Variants in CAPN6 observed in about 807,000 individuals in gnomAD.
The protein encoded by CAPN6 is calpain 6.
CAPN6 carries 16 observed loss-of-function variants against 46.0 expected under a neutral mutation model. That is an observed-to-expected ratio of 0.35 (90% CI 0.24 to 0.53). The LOEUF is 0.53. CAPN6 is among the 20% of genes least tolerant of loss of function. The pLI is 0.94. For synonymous variants in CAPN6, 206 were observed against 172.8 expected (o/e 1.19, Z -1.51); for missense variants, 461 against 498.0 (o/e 0.93, Z 0.71).
At chrX:111,248,222 G>T (rs746321571) in intron 10 of CAPN6, among the ~76,000 whole-genome samples, 2 of 112,039 alleles carry the variant, frequency 1.8e-5, no homozygotes, top group South Asian at 3.8e-4. Flanking sequence ...GGTGGCTTTG[G>T]TGATCCAGCA....
intron 8 of CAPN6, among the ~76,000 whole-genome samples, chrX:111,250,646 C>A (rs910284508): frequency 9.0e-6 from 1 of 111,059 alleles, no homozygotes; most frequent in African/African-American, 3.3e-5. Flanking sequence ...TGTCAAAGAG[C>A]CATACCAGAC....
At chrX:111,262,473 G>T (rs985522181) in intron 2 of CAPN6, among the ~76,000 whole-genome samples, 2 of 111,770 alleles carry the variant, frequency 1.8e-5, no homozygotes, top group Non-Finnish European at 3.8e-5. Context: ...TGGTAAAAGG[G>T]TTACTTGAGG....
intron 3 of CAPN6, among the ~76,000 whole-genome samples, chrX:111,253,702 A>G (rs988770764): frequency 8.9e-6 from 1 of 112,044 alleles, no homozygotes; most frequent in South Asian, 3.7e-4. Context: ...ATGTTTAGGA[A>G]TTTTTTTTGT....
In CAPN6 at chrX:111,270,380, C is replaced by A. The variant is rs775378513; in HGVS notation, c.-25G>T. The A allele has an allele frequency of 2.6e-5, 8 of 309,817 alleles. No individual in the cohort carries two copies. Among genetic ancestry groups the A allele is most frequent in the South Asian group, 2.1e-4 (8 of 37,881 alleles). 25.5% of individuals were successfully genotyped at this position (309,817 alleles called of 1,213,427 possible). On this transcript the variant is annotated 5_prime_UTR_variant, in exon 1 of 13. Transcript: ENST00000324068. ...TTCCCTCTCTACTCACCTGAGTTATCCCAGGAGCCCTGCTGCTGCTGCTGC... is the reference window on the plus strand; with the variant it reads ...TTCCCTCTCTACTCACCTGAGTTATACCAGGAGCCCTGCTGCTGCTGCTGC...
At chrX:111,263,033 G>A (rs1336597082) in intron 2 of CAPN6, among the ~76,000 whole-genome samples, 1 of 111,740 alleles carries the variant, frequency 8.9e-6, no homozygotes, top group Non-Finnish European at 1.9e-5. Context: ...TCTCCTCACT[G>A]GTCTGAAATT....
At chrX:111,254,602 T>C (rs930456396) in intron 2 of CAPN6, among the ~76,000 whole-genome samples, 199 bp from the exon 3 acceptor site, 1 of 111,352 alleles carries the variant, frequency 9.0e-6, no homozygotes. Flanking sequence ...TCTAGCCCCA[T>C]GTTTGGAAGT....
chrX:111,257,750 C>G (rs2094985000), intron 2 of CAPN6, among the ~76,000 whole-genome samples: 1 of 111,508 alleles, frequency 9.0e-6, no homozygotes, highest in Non-Finnish European at 1.9e-5. Context: ...TTGAGCTGTG[C>G]TGGAGTGGTA....
rs1233978323 is a variant in CAPN6, at chrX:111,246,266, G to A, written c.*311C>T. On this transcript the variant is annotated 3_prime_UTR_variant, in exon 13 of 13. Transcript: ENST00000324068. Reference sequence around the variant, plus strand: ...CTGAAAACATCAAAGACATCTGTAGGGTGTCCAGCCTCTTGTTATTGTCCT... The same window carrying A: ...CTGAAAACATCAAAGACATCTGTAGAGTGTCCAGCCTCTTGTTATTGTCCT... The A allele has an allele frequency of 7.4e-6, 2 of 271,892 alleles. No individual in the cohort carries two copies. Among genetic ancestry groups the A allele is most frequent in the Non-Finnish European group, 1.3e-5 (2 of 154,180 alleles). The allele number at this position is 271,892 out of a possible 1,213,427, so 22.4% of individuals were successfully genotyped here. A position where few individuals can be genotyped will look rare whatever the true frequency, so the allele number is the denominator to read the frequency against.
At chrX:111,260,716 G>T (rs981442929) in intron 2 of CAPN6, among the ~76,000 whole-genome samples, 2 of 112,042 alleles carry the variant, frequency 1.8e-5, no homozygotes, top group Admixed American at 1.9e-4. Context: ...AGGCTCAGAT[G>T]GTGGTCCAGA....
chrX:111,262,272 A>G, intron 2 of CAPN6, among the ~76,000 whole-genome samples: 1 of 112,237 alleles, frequency 8.9e-6, no homozygotes, highest in South Asian at 3.7e-4. Flanking sequence ...TCCCAGTCTC[A>G]TACTTTCAAT....
intron 1 of CAPN6, among the ~76,000 whole-genome samples, chrX:111,269,158 C>T (rs1304546907): frequency 9.0e-6 from 1 of 111,503 alleles, no homozygotes; most frequent in Non-Finnish European, 1.9e-5. Flanking sequence ...GGAAAGCCTG[C>T]TTTTTAACCT....
At chrX:111,255,866 T>C (rs993555108) in intron 2 of CAPN6, among the ~76,000 whole-genome samples, 4 of 111,791 alleles carry the variant, frequency 3.6e-5, no homozygotes, top group Non-Finnish European at 7.5e-5. Context: ...GATGCATGCC[T>C]GGTAGTTCAC....
chrX:111,252,407 T>A lies in CAPN6; in HGVS notation c.599A>T (p.Gln200Leu). Reference protein sequence around the residue: ...TGTLAETVDMQKGRYTELVEE... With the variant: ...TGTLAETVDMLKGRYTELVEE... Reference sequence around the variant, plus strand: ...AACAAGCTCAGTGTATCTTCCTTTCTGCATGTCAACAGTTTCAGCCAATGT... The same window carrying A: ...AACAAGCTCAGTGTATCTTCCTTTCAGCATGTCAACAGTTTCAGCCAATGT... The change falls in exon 5 of 13, where the codon CAG becomes CTG. Residue 200 changes from glutamine to leucine, a missense_variant. Gln to Leu is a moderately radical substitution (Grantham distance 113). Transcript: ENST00000324068. The A allele has an allele frequency of 8.3e-7, 1 of 1,210,243 alleles. No individual in the cohort carries two copies. Among genetic ancestry groups the A allele is most frequent in the South Asian group, 1.8e-5 (1 of 56,900 alleles).
intron 1 of CAPN6, among the ~76,000 whole-genome samples, chrX:111,269,517 C>T (rs2094994445): frequency 8.9e-6 from 1 of 112,089 alleles, no homozygotes; most frequent in Non-Finnish European, 1.9e-5. Context: ...CTGAGTTTTC[C>T]TATGTGCTTT....
intron 1 of CAPN6, among the ~76,000 whole-genome samples, chrX:111,264,849 G>A (rs928687796): frequency 4.5e-5 from 5 of 111,462 alleles, no homozygotes; most frequent in Admixed American, 9.5e-5. Flanking sequence ...AATTTGAAAG[G>A]CAAATTTGAT....
At chrX:111,266,583 T>C (rs1569481795) in intron 1 of CAPN6, among the ~76,000 whole-genome samples, 1 of 112,807 alleles carries the variant, frequency 8.9e-6, no homozygotes, top group Non-Finnish European at 1.9e-5. Flanking sequence ...TTGTTTGAAA[T>C]GTGCATTTTA....
intron 2 of CAPN6, among the ~76,000 whole-genome samples, chrX:111,262,258 C>T (rs1240353496): frequency 2.7e-5 from 3 of 112,170 alleles, no homozygotes; most frequent in Non-Finnish European, 5.6e-5. Flanking sequence ...ACAGAGCGAA[C>T]TTCTCCCAGT....
At position 111,246,696 on chromosome X, in the gene CAPN6, T is replaced by C; in HGVS notation, c.1807A>G (p.Ser603Gly). Residue 603 changes from serine (S) to glycine (G), a missense_variant, in exon 13 of 13, where the codon AGC (serine) becomes GGC (glycine). By Grantham distance (56) the Ser-to-Gly change is moderately conservative. Transcript: ENST00000324068. Reference sequence around the variant, plus strand: ...AGAGACTTCAGATCACGGCAGTCGCTGGGGTCAGCATCCAGAGTAACCTGC... The same window carrying C: ...AGAGACTTCAGATCACGGCAGTCGCCGGGGTCAGCATCCAGAGTAACCTGC... ...LGQVTLDADPSDCRDLKSLYL... is the reference protein window; with the variant it reads ...LGQVTLDADPGDCRDLKSLYL... The C allele has an allele frequency of 8.3e-7, 1 of 1,211,157 alleles. No individual in the cohort carries two copies. Among genetic ancestry groups the C allele is most frequent in the Non-Finnish European group, 1.1e-6 (1 of 895,268 alleles).
chrX:111,269,691 A>G (rs775255547), intron 1 of CAPN6, among the ~76,000 whole-genome samples: 5 of 111,810 alleles, frequency 4.5e-5, no homozygotes, highest in Non-Finnish European at 9.4e-5. Flanking sequence ...CCCCATCTTG[A>G]AATCAAAGTT....
Sources: gnomAD v4.1 joint callset for allele counts (sites outside exome capture counted in the v4.1 genomes callset) on GRCh38, gnomAD v4.1.1 for gene constraint, MANE v1.5 for transcripts, NCBI Gene and HGNC (gene_info 2026-07-23, HGNC 2026-07-21) for gene names.